Variants in SEMA5B observed in about 807,000 individuals in gnomAD.
The protein encoded by SEMA5B is semaphorin 5B, also known as semaphorin-5B.
Under a neutral mutation model 135.0 loss-of-function variants are expected in SEMA5B, and 66 were observed. The observed-to-expected ratio is 0.49, with a 90% CI of 0.40 to 0.60. SEMA5B has a LOEUF of 0.60. Among genes scored for constraint, SEMA5B ranks in the 20% least tolerant of loss-of-function variants. The probability of loss-of-function intolerance (pLI) is 0.00; values close to 1 mark genes in which losing one functional copy is unlikely to be tolerated. For synonymous variants in SEMA5B, 690 were observed against 639.5 expected (o/e 1.08, Z -1.19); for missense variants, 1,501 against 1,566.3 (o/e 0.96, Z 0.70).
At chr3:122,963,275 T>C (rs1433235588) in intron 1 of SEMA5B, among the ~76,000 whole-genome samples, 1 of 152,086 alleles carries the variant, frequency 6.6e-6, no homozygotes, top group African/African-American at 2.4e-5. Flanking sequence ...GGTGGGCAGA[T>C]CACTTGAGAT....
At chr3:122,979,835 T>C (rs1030685594) in intron 1 of SEMA5B, among the ~76,000 whole-genome samples, 1 of 152,234 alleles carries the variant, frequency 6.6e-6, no homozygotes, top group African/African-American at 2.4e-5. Flanking sequence ...TAAGGGAACA[T>C]TTCTAACAGC....
intron 1 of SEMA5B, among the ~76,000 whole-genome samples, chr3:122,966,618 G>T (rs111647675): frequency 3.3e-5 from 5 of 149,876 alleles, no homozygotes; most frequent in African/African-American, 1.2e-4. Flanking sequence ...GCAGTGGCGT[G>T]ATCTCAGCTC....
Position 122,911,958 on chromosome 3 carries a change from C to T in SEMA5B, c.3008G>A (p.Ser1003Asn). 3 of 1,609,952 alleles carry T rather than the reference C, an allele frequency of 1.9e-6. No homozygotes were observed. Among genetic ancestry groups the T allele is most frequent in the Non-Finnish European group, 8.5e-7 (1 of 1,177,190 alleles). Residue 1003 changes from serine (S) to asparagine (N), a missense_variant, in exon 20 of 23, where the codon AGC becomes AAC. By Grantham distance (46) the Ser-to-Asn change is conservative. Transcript: ENST00000357599. ...GTAGGGGCAGGGGCGGCTCTGGCTG[C>T]TGTTTCCAGCACAGGCGCTGGACCC... ...LPGSSACAGN[S>N]SQSRPCPYSE...
chr3:122,974,898 T>C lies in SEMA5B; in HGVS notation c.-38-13597A>G, dbSNP rs1196129896. ...GGCTTACTATTTGCAGGACTTTATC[T>C]ATGACTCACCCTGCAGGCCCAGCCC... is the stretch of plus-strand genomic sequence containing the variant. On this transcript the variant is annotated intron_variant, in intron 1 of 22. Coordinates refer to ENST00000357599, the MANE Select transcript of SEMA5B (RefSeq NM_001031702.4). 2.0e-5 allele frequency among the ~76,000 whole-genome samples: 3 copies of C among 152,150 alleles called. No homozygotes were observed. The East Asian group carries it at 5.8e-4, about 29-fold the overall frequency.
intron 2 of SEMA5B, chr3:122,958,172 G>A (rs929844967): frequency 6.6e-6 from 1 of 152,406 alleles, no homozygotes; most frequent in South Asian, 2.1e-4. Flanking sequence ...CCAGGGGCCA[G>A]GGTGGGTGGG....
intron 3 of SEMA5B, among the ~76,000 whole-genome samples, chr3:122,944,832 C>T (rs916551852): frequency 1.3e-5 from 2 of 152,160 alleles, no homozygotes; most frequent in Admixed American, 1.3e-4. Flanking sequence ...TATGCATGAC[C>T]CATGGATGGG....
intron 12 of SEMA5B, among the ~76,000 whole-genome samples, chr3:122,919,096 G>A (rs946029887): frequency 6.6e-6 from 1 of 150,712 alleles, no homozygotes; most frequent in Non-Finnish European, 1.5e-5. Context: ...GAGATGGATG[G>A]TGGAAGTTGC....
At position 122,917,849 on chromosome 3, in the gene SEMA5B, G is replaced by C. The variant is rs375671434; in HGVS notation, c.1689-1959C>G. On this transcript the variant is annotated intron_variant, in intron 12 of 22. Transcript: ENST00000357599. ...TCTGGGATCAATGGTTTGATTTGAGGGTGTTTTATCAGTAGAGTCCATCAA... is the reference window on the plus strand; with the variant it reads ...TCTGGGATCAATGGTTTGATTTGAGCGTGTTTTATCAGTAGAGTCCATCAA... Among the ~76,000 whole-genome samples, 11 of 152,260 alleles carry C rather than the reference G, an allele frequency of 7.2e-5. 2 individuals are homozygous for C. The highest frequency in any genetic ancestry group is 6.5e-5 in the Admixed American group (1 of 15,296).
At chr3:122,999,087 C>A (rs956959625) in intron 1 of SEMA5B, among the ~76,000 whole-genome samples, 14 of 152,140 alleles carry the variant, frequency 9.2e-5, no homozygotes, top group Non-Finnish European at 1.9e-4. Context: ...AGCCCGGAGG[C>A]CCTCCTTCCC....
At chr3:122,945,990 G>A (rs1463336360) in intron 3 of SEMA5B, among the ~76,000 whole-genome samples, 1 of 152,108 alleles carries the variant, frequency 6.6e-6, no homozygotes, top group East Asian at 1.9e-4. Context: ...GAACCAGCCT[G>A]CTCGTATTAA....
intron 20 of SEMA5B, 108 bp from the exon 21 acceptor site, chr3:122,911,643 G>A (rs1937715746): frequency 8.5e-7 from 1 of 1,181,036 alleles, no homozygotes; most frequent in Non-Finnish European, 1.2e-6. Flanking sequence ...CTCAGACGTA[G>A]GACTAGGTAG....
At position 122,913,605 on chromosome 3, in the gene SEMA5B, T is replaced by A. The variant is rs1275736535; in HGVS notation, c.2209A>T (p.Asn737Tyr). The A allele has an allele frequency of 6.2e-7, 1 of 1,613,310 alleles. No homozygotes were observed. Among genetic ancestry groups the A allele is most frequent in the Non-Finnish European group, 8.5e-7 (1 of 1,179,948 alleles). ...SWGSWSKCSS[N>Y]CGGGMQSRRR... ...CGCGACTGCATGCCCCCTCCACAGT[T>A]GCTGCTGCACTTGCTCCAGGAGCCC... is the stretch of plus-strand genomic sequence containing the variant. Residue 737 changes from asparagine (N) to tyrosine (Y), a missense_variant, in exon 16 of 23, where the codon AAC (asparagine) becomes TAC (tyrosine). Asn to Tyr is a moderately radical substitution (Grantham distance 143). This residue lies in a region of SEMA5B where 927 missense variants were observed against 881.6 expected (regional missense o/e 1.05). Coordinates refer to ENST00000357599, the MANE Select transcript of SEMA5B (RefSeq NM_001031702.4).
At chr3:122,956,665 A>G (rs922738138) in intron 2 of SEMA5B, among the ~76,000 whole-genome samples, 1 of 151,114 alleles carries the variant, frequency 6.6e-6, no homozygotes, top group Non-Finnish European at 1.5e-5. Context: ...GCACAACCGA[A>G]CCCTCCCCCG....
chr3:122,966,536 T>TTTA (rs140866804), intron 1 of SEMA5B, among the ~76,000 whole-genome samples: 8,981 of 141,480 alleles, frequency 0.063, 352 homozygotes, highest in Non-Finnish European at 0.096. Context: ...TGTAAGAATG[T>TTTA]TTATTATTAT....
chr3:122,943,624 G>T, intron 3 of SEMA5B, 89 bp from the exon 4 acceptor site: 1 of 993,554 alleles, frequency 1.0e-6, no homozygotes, highest in Non-Finnish European at 1.5e-6. Flanking sequence ...AAGGGTGAAA[G>T]TCAGGGGGAA....
chr3:122,922,941 T>C (rs1938441323), intron 10 of SEMA5B, among the ~76,000 whole-genome samples: 1 of 152,176 alleles, frequency 6.6e-6, no homozygotes, highest in Non-Finnish European at 1.5e-5. Flanking sequence ...GTATTATCTC[T>C]TACAGTATTA....
At position 122,961,200 on chromosome 3, in the gene SEMA5B, G is replaced by T. The variant is rs201477481; in HGVS notation, c.64C>A (p.Pro22Thr). The change falls in exon 2 of 23, where the codon CCA becomes ACA. Residue 22 changes from proline to threonine, a missense_variant. Coordinates refer to ENST00000357599, the MANE Select transcript of SEMA5B (RefSeq NM_001031702.4). The part of the protein sequence containing the change: ...HHLVPGPPDT[P>T]AQQLRCGWTV... Reference sequence around the variant, plus strand: ...CATCCACACCTTAGCTGTTGGGCTGGGGTATCAGGCGGCCCAGGGACGAGG... The same window carrying T: ...CATCCACACCTTAGCTGTTGGGCTGTGGTATCAGGCGGCCCAGGGACGAGG... The T allele has an allele frequency of 7.4e-6, 12 of 1,613,908 alleles. No homozygotes were observed. In the East Asian group the frequency reaches 2.5e-4, roughly 33 times the overall value.
At position 122,926,435 on chromosome 3, in the gene SEMA5B, A is replaced by G. The variant is rs370171745; in HGVS notation, c.1093T>C (p.Leu365=). ...YYNELQSAFH[L]PEQDLIYGVF... Reference sequence around the variant, plus strand: ...CCATAGATGAGGTCCTGCTCCGGCAAGTGGAAGGCACTCTGCAGCTCGTTA... The same window carrying G: ...CCATAGATGAGGTCCTGCTCCGGCAGGTGGAAGGCACTCTGCAGCTCGTTA... The change falls in exon 9 of 23, where the codon TTG becomes CTG. Residue 365 remains leucine (L), a synonymous_variant. Coordinates refer to ENST00000357599, the MANE Select transcript of SEMA5B (RefSeq NM_001031702.4). 4.3e-5 allele frequency: 69 copies of G among 1,614,150 alleles called. No homozygotes were observed. The highest frequency in any genetic ancestry group is 2.7e-4 in the Admixed American group (16 of 60,020).
chr3:122,983,444 C>G (rs979931488), intron 1 of SEMA5B, among the ~76,000 whole-genome samples: 1 of 151,648 alleles, frequency 6.6e-6, no homozygotes, highest in Non-Finnish European at 1.5e-5. Flanking sequence ...ATAAATCATC[C>G]GCGGGGCGGG....
Sources: gnomAD v4.1 joint callset for allele counts (sites outside exome capture counted in the v4.1 genomes callset) on GRCh38, gnomAD v4.1.1 for gene constraint, gnomAD v4.1.1 regional missense constraint, MANE v1.5 for transcripts, NCBI Gene and HGNC (gene_info 2026-07-23, HGNC 2026-07-21) for gene names.